Variants in ITPR2 observed in about 807,000 individuals in gnomAD.
ITPR2 encodes inositol 1,4,5-trisphosphate-gated calcium channel ITPR2.
ITPR2 carries 207 observed loss-of-function variants against 317.1 expected under a neutral mutation model. The ratio of observed to expected loss-of-function variants is 0.65; its 90% confidence interval spans 0.58 to 0.73. The LOEUF is 0.73. ITPR2 is among the 30% of genes least tolerant of loss of function. ITPR2 has a pLI of 0.00. For synonymous variants in ITPR2, 1,156 were observed against 1,149.1 expected (o/e 1.01, Z -0.12); for missense variants, 2,613 against 3,284.0 (o/e 0.80, Z 4.99).
chr12:26,348,394 A>G (rs1432270331), intron 55 of ITPR2, among the ~76,000 whole-genome samples: 1 of 152,236 alleles, frequency 6.6e-6, no homozygotes, highest in Non-Finnish European at 1.5e-5. Context: ...CAGTAAGGGC[A>G]TGATGAGTTT....
At chr12:26,370,902 T>C (rs1939169270) in intron 55 of ITPR2, among the ~76,000 whole-genome samples, 1 of 152,186 alleles carries the variant, frequency 6.6e-6, no homozygotes. Flanking sequence ...CTCGAACTCC[T>C]GACCCCGTGA....
At chr12:26,377,475 A>G (rs965660173) in intron 55 of ITPR2, among the ~76,000 whole-genome samples, 11 of 152,206 alleles carry the variant, frequency 7.2e-5, no homozygotes, top group Non-Finnish European at 1.5e-4. Context: ...ACCTCCACGA[A>G]TGCAGCTTAG....
At chr12:26,451,253 C>A (rs1941733525) in intron 45 of ITPR2, among the ~76,000 whole-genome samples, 2 of 152,034 alleles carry the variant, frequency 1.3e-5, no homozygotes, top group South Asian at 4.1e-4. Flanking sequence ...GAAGAGACAA[C>A]ACAGACTCTT....
At chr12:26,758,517 C>A (rs1949569924) in intron 2 of ITPR2, among the ~76,000 whole-genome samples, 2 of 152,080 alleles carry the variant, frequency 1.3e-5, no homozygotes, top group African/African-American at 4.8e-5. Context: ...CATAATGGTC[C>A]CCAAAAATTC....
chr12:26,682,143 C>A, intron 12 of ITPR2, 109 bp from the exon 13 acceptor site: 1 of 876,502 alleles, frequency 1.1e-6, no homozygotes, highest in East Asian at 2.5e-5. Flanking sequence ...ATAGATCATC[C>A]GAACACAGTA....
rs1170196075 is a variant in ITPR2 at position 26,400,254 on chromosome 12, A to G, written c.7404T>C (p.Asp2468=). The change falls in exon 53 of 57, where the codon GAT becomes GAC. Residue 2468 remains aspartate (D), a synonymous_variant. Transcript: ENST00000381340. The part of the protein sequence containing the change: ...SPTIPASNTA[D]EEYEDGIERT... Reference sequence around the variant, plus strand: ...TTTCAATTCCATCTTCATACTCTTCATCAGCTATAAAAACACATACAAATA... The same window carrying G: ...TTTCAATTCCATCTTCATACTCTTCGTCAGCTATAAAAACACATACAAATA... The G allele has an allele frequency of 4.5e-6, 7 of 1,542,864 alleles. No individual in the cohort carries two copies. Among genetic ancestry groups the G allele is most frequent in the Non-Finnish European group, 6.1e-6 (7 of 1,138,350 alleles).
chr12:26,358,649 A>G (rs569255261), intron 55 of ITPR2, among the ~76,000 whole-genome samples: 2 of 152,186 alleles, frequency 1.3e-5, no homozygotes, highest in African/African-American at 2.4e-5. Context: ...CAAATAATTG[A>G]TGATGTTGGG....
chr12:26,730,671 C>T (rs1385270382), intron 2 of ITPR2, among the ~76,000 whole-genome samples: 1 of 152,118 alleles, frequency 6.6e-6, no homozygotes, highest in Non-Finnish European at 1.5e-5. Context: ...ATTATAAGAA[C>T]AATGGCTTAG....
chr12:26,339,373 T>A lies in ITPR2; in HGVS notation c.*24A>T, dbSNP rs773861690. On this transcript the variant is annotated 3_prime_UTR_variant, in exon 57 of 57. Coordinates refer to ENST00000381340, the MANE Select transcript of ITPR2 (RefSeq NM_002223.4). ...ATCAGGCAGGACACTGATGAAAGGC[T>A]AGTCACGGCTTCCCCCCATGGTATC... The A allele has an allele frequency of 1.3e-4, 200 of 1,586,986 alleles. 1 individual carries two copies. The highest frequency in any genetic ancestry group is 1.6e-4 in the Non-Finnish European group (185 of 1,155,880).
At chr12:26,768,251 CTG>C (rs1949759222) in intron 2 of ITPR2, among the ~76,000 whole-genome samples, 1 of 129,246 alleles carries the variant, frequency 7.7e-6, no homozygotes, top group African/African-American at 2.8e-5. Context: ...ATATCACACT[CTG>C]GGGACGGTGG....
At chr12:26,446,823 T>A (rs904772017) in intron 45 of ITPR2, among the ~76,000 whole-genome samples, 1 of 151,308 alleles carries the variant, frequency 6.6e-6, no homozygotes, top group African/African-American at 2.4e-5. Context: ...ATAAGCCATC[T>A]ATACATATCT....
chr12:26,711,818 T>C (rs774593015), intron 8 of ITPR2, among the ~76,000 whole-genome samples: 2 of 152,210 alleles, frequency 1.3e-5, no homozygotes, highest in Non-Finnish European at 2.9e-5. Context: ...TGAGATGTCA[T>C]GTGAGCTGAA....
intron 37 of ITPR2, among the ~76,000 whole-genome samples, chr12:26,522,389 T>C (rs1285535401): frequency 6.6e-6 from 1 of 152,186 alleles, no homozygotes; most frequent in Admixed American, 6.5e-5. Flanking sequence ...AACTATATAT[T>C]CCCAGGTTTA....
chr12:26,438,932 GT>G (rs752264190), intron 47 of ITPR2, among the ~76,000 whole-genome samples, 194 bp downstream of exon 47: 1 of 152,154 alleles, frequency 6.6e-6, no homozygotes, highest in Non-Finnish European at 1.5e-5. Flanking sequence ...AGGGCTTTCT[GT>G]TTTCCTTAAG....
intron 52 of ITPR2, among the ~76,000 whole-genome samples, chr12:26,402,468 A>C (rs1473272441): frequency 6.6e-6 from 1 of 152,208 alleles, no homozygotes; most frequent in African/African-American, 2.4e-5. Flanking sequence ...TCTCTCCGAG[A>C]ATTTAGAAAT....
At chr12:26,499,854 C>G (rs1283075887) in intron 37 of ITPR2, among the ~76,000 whole-genome samples, 3 of 152,158 alleles carry the variant, frequency 2.0e-5, no homozygotes, top group African/African-American at 7.2e-5. Context: ...ATGGCAAAGT[C>G]ACCCTAAAGC....
chr12:26,670,979 C>T (rs938951736), intron 13 of ITPR2, among the ~76,000 whole-genome samples: 157 of 151,436 alleles, frequency 1.0e-3, no homozygotes, highest in African/African-American at 2.5e-3. Context: ...TGAAATGAAG[C>T]GAGAAGGGAA....
chr12:26,676,837 C>T (rs1947919243), intron 13 of ITPR2, among the ~76,000 whole-genome samples: 1 of 151,832 alleles, frequency 6.6e-6, no homozygotes, highest in Non-Finnish European at 1.5e-5. Context: ...TCAGTAAAAA[C>T]AAAAGGTGGT....
At chr12:26,495,054 T>A in intron 38 of ITPR2, 98 bp downstream of exon 38, 1 of 738,556 alleles carries the variant, frequency 1.4e-6, no homozygotes, top group Non-Finnish European at 2.4e-6. Context: ...TAAATGACTC[T>A]TTTATATATC....
Sources: allele counts gnomAD v4.1 joint callset (sites outside exome capture counted in the v4.1 genomes callset), GRCh38; gene constraint gnomAD v4.1.1; transcripts MANE v1.5; gene names NCBI Gene and HGNC (gene_info 2026-07-23, HGNC 2026-07-21).